The following ZNF544 variants were observed in gnomAD, a reference collection of about 807,000 sequenced individuals.
ZNF544 encodes zinc finger protein 544.
ZNF544 carries 10 observed loss-of-function variants against 13.5 expected under a neutral mutation model. That is an observed-to-expected ratio of 0.74 (90% CI 0.46 to 1.25). The LOEUF (loss-of-function observed/expected upper bound fraction) is 1.25. ZNF544 is among the 50% of genes most tolerant of loss of function. ZNF544 has a pLI of 0.00. For synonymous variants in ZNF544, 323 were observed against 300.5 expected (o/e 1.07, Z -0.77); for missense variants, 896 against 845.6 (o/e 1.06, Z -0.74).
At chr19:58,252,004 C>A (rs1188782255) in intron 6 of ZNF544, among the ~76,000 whole-genome samples, 2 of 152,142 alleles carry the variant, frequency 1.3e-5, no homozygotes, top group Non-Finnish European at 2.9e-5. Context: ...TTTAAGAGAA[C>A]CTTTATAACT....
At chr19:58,253,683 G>T (rs1568484763) in intron 6 of ZNF544, among the ~76,000 whole-genome samples, 1 of 151,704 alleles carries the variant, frequency 6.6e-6, no homozygotes, top group Non-Finnish European at 1.5e-5. Context: ...CGGGTGATCT[G>T]CCCACCTTGG....
At position 58,262,754 on chromosome 19, in the gene ZNF544, G is replaced by A; in HGVS notation, c.2148G>A (p.Ter716=). 1 of 1,586,820 alleles carries A rather than the reference G, an allele frequency of 6.3e-7. No individual in the cohort carries two copies. Among genetic ancestry groups the A allele is most frequent in the South Asian group, 1.2e-5 (1 of 86,944 alleles). The part of the protein sequence containing the change: ...HRRTHTGEKP[*] ...GGACACATACTGGAGAGAAACCTTA[G>A]GAGTGCAGTCATTGTGGGAAAGCTT... is the stretch of plus-strand genomic sequence containing the variant. The change falls in exon 7 of 7, where the codon TAG becomes TAA. Residue 716 remains the stop codon, a stop_retained_variant. Transcript: ENST00000687789.
intron 6 of ZNF544, chr19:58,277,168 C>A: frequency 8.1e-7 from 1 of 1,231,740 alleles, no homozygotes; most frequent in Non-Finnish European, 1.0e-6. Context: ...TTGCCTAACA[C>A]CTGCTCCTTC....
chr19:58,243,327 T>A (rs567174784), intron 3 of ZNF544, among the ~76,000 whole-genome samples: 1 of 151,802 alleles, frequency 6.6e-6, no homozygotes, highest in Non-Finnish European at 1.5e-5. Context: ...GAGTCAGATG[T>A]GTGGAAGGGT....
At chr19:58,269,610 CAAAAAAAAA>C (rs66778347) in intron 5 of ZNF544, among the ~76,000 whole-genome samples, 1 of 102,576 alleles carries the variant, frequency 9.7e-6, no homozygotes, top group African/African-American at 3.8e-5. Context: ...GACTCTGTCT[CAAAAAAAAA>C]AAAAAAAAAA....
downstream of ZNF544, chr19:58,263,751 AGAAGTTT>A (rs762090756): frequency 4.2e-5 from 9 of 212,544 alleles, no homozygotes; most frequent in Non-Finnish European, 7.3e-5. Context: ...ACCTGAAGTC[AGAAGTTT>A]GAGACCAGCC....
intron 6 of ZNF544, chr19:58,260,594 C>T: frequency 2.8e-6 from 1 of 362,700 alleles, no homozygotes; most frequent in Non-Finnish European, 5.0e-6. Flanking sequence ...CCTGCTTATT[C>T]TTATTCTTCT....
intron 6 of ZNF544, chr19:58,258,765 C>T (rs953776180): frequency 6.6e-6 from 1 of 152,452 alleles, no homozygotes; most frequent in African/African-American, 2.4e-5. Flanking sequence ...CCAAAGGATC[C>T]TTGTGTCCTC....
intron 4 of ZNF544, 36 bp from the exon 5 acceptor site, chr19:58,246,265 T>G (rs1297040765): frequency 6.2e-7 from 1 of 1,613,266 alleles, no homozygotes; most frequent in Non-Finnish European, 8.5e-7. Context: ...CATGAGGACC[T>G]GGGGTCTCTG....
At position 58,261,425 on chromosome 19, in the gene ZNF544, G is replaced by A. The variant is rs2048923981; in HGVS notation, c.819G>A (p.Lys273=). 3.1e-6 allele frequency: 5 copies of A among 1,614,034 alleles called. No homozygotes were observed. The highest frequency in any genetic ancestry group is 4.2e-6 in the Non-Finnish European group (5 of 1,180,044). Residue 273 remains lysine (K), a synonymous_variant, in exon 7 of 7, where the codon AAG becomes AAA. Transcript: ENST00000687789. ...CAGTGAAGAAAAGTGATGACTGTAAGGATTATGGAAACCTCTTCAGTCACA... is the reference window on the plus strand; with the variant it reads ...CAGTGAAGAAAAGTGATGACTGTAAAGATTATGGAAACCTCTTCAGTCACA... ...TFSVKKSDDC[K]DYGNLFSHSV...
chr19:58,233,888 C>T (rs1014530420), intron 3 of ZNF544, among the ~76,000 whole-genome samples: 1 of 152,316 alleles, frequency 6.6e-6, no homozygotes, highest in Admixed American at 6.5e-5. Flanking sequence ...TGATTCCCCT[C>T]CTCCTACTTG....
In ZNF544 at chr19:58,262,280, A is replaced by T; in HGVS notation, c.1674A>T (p.Arg558Ser). ...GTATTGAATGTGGGAAATCCTTCAG[A>T]TGGAACTCTAACCTCGTCATACATC... ...YQCIECGKSF[R>S]WNSNLVIHQR... Residue 558 changes from arginine to serine, a missense_variant, in exon 7 of 7, where the codon AGA becomes AGT. Coordinates refer to ENST00000687789, the MANE Select transcript of ZNF544 (RefSeq NM_014480.4). 6.2e-7 allele frequency: 1 copy of T among 1,613,156 alleles called. No individual in the cohort carries two copies. The highest frequency in any genetic ancestry group is 1.7e-5 in the Admixed American group (1 of 59,912).
chr19:58,276,258 C>A (rs780059521), intron 5 of ZNF544: 11 of 832,992 alleles, frequency 1.3e-5, no homozygotes, highest in Non-Finnish European at 1.8e-5. Context: ...CCCTACCTCT[C>A]CAACACTGGT....
chr19:58,254,006 C>T (rs1568485104), intron 6 of ZNF544, among the ~76,000 whole-genome samples: 1 of 152,102 alleles, frequency 6.6e-6, no homozygotes, highest in Admixed American at 6.5e-5. Flanking sequence ...AGGCGGATCA[C>T]GAGGTCAGGA....
At chr19:58,254,718 G>A (rs888280641) in intron 6 of ZNF544, among the ~76,000 whole-genome samples, 5 of 152,184 alleles carry the variant, frequency 3.3e-5, no homozygotes, top group African/African-American at 1.2e-4. Context: ...ACTAATTTCA[G>A]TGTGATGTAT....
intron 6 of ZNF544, among the ~76,000 whole-genome samples, chr19:58,249,084 C>CG (rs975816270): frequency 6.6e-6 from 1 of 152,122 alleles, no homozygotes; most frequent in African/African-American, 2.4e-5. Context: ...ACACAGAAGG[C>CG]GGGGGTTGCC....
intron 5 of ZNF544, among the ~76,000 whole-genome samples, chr19:58,275,783 C>CAAAAAA (rs57148438): frequency 0.011 from 736 of 66,054 alleles, 30 homozygotes; most frequent in Non-Finnish European, 0.017. Context: ...GACCCTGTCT[C>CAAAAAA]AAAAAAAAAA....
At chr19:58,251,508 C>A in intron 6 of ZNF544, 6 of 395,800 alleles carry the variant, frequency 1.5e-5, no homozygotes, top group South Asian at 1.1e-4. Context: ...CAGGTGATCC[C>A]TCCTTCTATG....
chr19:58,260,470 A>G (rs540613966), intron 6 of ZNF544: 86 of 155,712 alleles, frequency 5.5e-4, no homozygotes, highest in Non-Finnish European at 1.1e-3. Flanking sequence ...ATTAGAGATG[A>G]GGTTTTACCA....
Sources: gnomAD v4.1 joint callset for allele counts (sites outside exome capture counted in the v4.1 genomes callset) on GRCh38, gnomAD v4.1.1 for gene constraint, MANE v1.5 for transcripts, NCBI Gene and HGNC (gene_info 2026-07-23, HGNC 2026-07-21) for gene names.